Variants in NXPH1 observed in about 807,000 individuals in gnomAD.
The protein encoded by NXPH1 is neurexophilin 1, also known as neurexophilin-1.
Under a neutral mutation model 23.7 loss-of-function variants are expected in NXPH1, and 5 were observed. The ratio of observed to expected loss-of-function variants is 0.21; its 90% CI spans 0.11 to 0.44. The LOEUF (loss-of-function observed/expected upper bound fraction) is 0.44, where lower values mean the gene tolerates loss of function less well. NXPH1 is among the 20% of genes least tolerant of loss of function. The pLI is 0.99. For synonymous variants in NXPH1, 144 were observed against 122.2 expected (o/e 1.18, Z -1.18); for missense variants, 324 against 321.6 (o/e 1.01, Z -0.06).
At chr7:8,708,365 T>C (rs1045845357) in intron 2 of NXPH1, among the ~76,000 whole-genome samples, 11 of 152,088 alleles carry the variant, frequency 7.2e-5, no homozygotes, top group Admixed American at 2.0e-4. Flanking sequence ...TTTTTTTAAA[T>C]TTTTTTGGTT....
intron 2 of NXPH1, among the ~76,000 whole-genome samples, chr7:8,666,523 G>T (rs1016603241): frequency 6.6e-6 from 1 of 151,960 alleles, no homozygotes. Context: ...GCCTGGTGTT[G>T]GTATCAGGGT....
In NXPH1 at chr7:8,477,364, G is replaced by A. The variant is rs115880155; in HGVS notation, c.54+41597G>A. The stretch of plus-strand genomic sequence containing the variant: ...TTTTTTAAATAATTGTGTTGCTAGA[G>A]TGCAGGTGATTGATGGCTATAGATC... On this transcript the variant is annotated intron_variant, in intron 2 of 2. Transcript: ENST00000405863. Among the ~76,000 whole-genome samples the A allele has an allele frequency of 5.5e-4, 84 of 152,076 alleles. 1 individual carries two copies. Among genetic ancestry groups the A allele is most frequent in the African/African-American group, 1.9e-3 (79 of 41,480 alleles).
rs569081153 is a variant in NXPH1 at position 8,489,728 on chromosome 7, T to C, written c.54+53961T>C. ...TCAGACTCATGGCATATTAGTATTATGAATGACATGTTGAAAGGACCTGCC... is the reference window on the plus strand; with the variant it reads ...TCAGACTCATGGCATATTAGTATTACGAATGACATGTTGAAAGGACCTGCC... On this transcript the variant is annotated intron_variant, in intron 2 of 2. Transcript: ENST00000405863. 3.3e-5 allele frequency among the ~76,000 whole-genome samples: 5 copies of C among 152,256 alleles called. No individual in the cohort carries two copies. The East Asian group carries it at 9.7e-4, about 29-fold the overall frequency.
intron 2 of NXPH1, among the ~76,000 whole-genome samples, chr7:8,509,939 C>T (rs919834501): frequency 6.6e-6 from 1 of 152,134 alleles, no homozygotes; most frequent in African/African-American, 2.4e-5. Flanking sequence ...TTTTAAACTT[C>T]ATCAGGAAAA....
intron 2 of NXPH1, among the ~76,000 whole-genome samples, chr7:8,550,573 T>C (rs1818262821): frequency 6.6e-6 from 1 of 151,548 alleles, no homozygotes; most frequent in Non-Finnish European, 1.5e-5. Flanking sequence ...TATTACTTTA[T>C]ATCAGAAATA....
intron 2 of NXPH1, among the ~76,000 whole-genome samples, chr7:8,651,841 T>C (rs1344395194): frequency 6.6e-6 from 1 of 152,200 alleles, no homozygotes; most frequent in African/African-American, 2.4e-5. Flanking sequence ...ATGCTTGTAA[T>C]GGATAATTCA....
intron 2 of NXPH1, among the ~76,000 whole-genome samples, chr7:8,691,456 G>T (rs1470641632): frequency 6.6e-6 from 1 of 152,052 alleles, no homozygotes; most frequent in African/African-American, 2.4e-5. Context: ...GCCCTTTCTA[G>T]AACTTCTTAA....
intron 2 of NXPH1, among the ~76,000 whole-genome samples, chr7:8,736,004 G>A (rs1290975133): frequency 6.6e-6 from 1 of 151,836 alleles, no homozygotes; most frequent in Non-Finnish European, 1.5e-5. Flanking sequence ...TTTTTATTGT[G>A]CCTATTCGAT....
rs192404443 is a variant in NXPH1 at position 8,503,120 on chromosome 7, A to C, written c.54+67353A>C. Among the ~76,000 whole-genome samples, 265 of 152,180 alleles carry C rather than the reference A, an allele frequency of 1.7e-3. 2 individuals are homozygous for C. Among genetic ancestry groups the C allele is most frequent in the African/African-American group, 6.0e-3 (250 of 41,568 alleles). On this transcript the variant is annotated intron_variant, in intron 2 of 2. Transcript: ENST00000405863. ...AAAGAGAAATATTTGAAGGGCCCCG[A>C]TCTATTTGTGCACAACAGACAACAA...
chr7:8,658,722 G>A (rs1235141117), intron 2 of NXPH1, among the ~76,000 whole-genome samples: 6 of 152,062 alleles, frequency 3.9e-5, no homozygotes, highest in East Asian at 1.9e-4. Flanking sequence ...ATAGTGTTAC[G>A]TATCGTCCTT....
At chr7:8,612,429 A>C (rs748799202) in intron 2 of NXPH1, among the ~76,000 whole-genome samples, 1 of 151,992 alleles carries the variant, frequency 6.6e-6, no homozygotes, top group Non-Finnish European at 1.5e-5. Context: ...TGCTAGTAGC[A>C]GCACTCAAGA....
At chr7:8,440,709 C>G (rs1816282455) in intron 2 of NXPH1, among the ~76,000 whole-genome samples, 1 of 149,596 alleles carries the variant, frequency 6.7e-6, no homozygotes, top group Non-Finnish European at 1.5e-5. Flanking sequence ...TTGGATATTG[C>G]TTTTTCCAAT....
At chr7:8,674,435 T>G (rs16874078) in intron 2 of NXPH1, among the ~76,000 whole-genome samples, 3,898 of 152,258 alleles carry the variant, frequency 0.026, 107 homozygotes, top group African/African-American at 0.064. Context: ...TGCTATATTT[T>G]ATGTTCAGAA....
intron 2 of NXPH1, among the ~76,000 whole-genome samples, chr7:8,552,184 T>A (rs1818289640): frequency 6.6e-6 from 1 of 150,440 alleles, no homozygotes; most frequent in Non-Finnish European, 1.5e-5. Context: ...TAATGTAATT[T>A]GTAGAAATCT....
At chr7:8,644,769 T>C (rs116780128) in intron 2 of NXPH1, among the ~76,000 whole-genome samples, 81 of 152,230 alleles carry the variant, frequency 5.3e-4, no homozygotes, top group African/African-American at 1.7e-3. Context: ...TTGGATCCCA[T>C]TGTGTATTAC....
Position 8,710,659 on chromosome 7 carries a change from T to G in NXPH1, c.55-40349T>G, listed in dbSNP as rs1380284054. Among the ~76,000 whole-genome samples the G allele has an allele frequency of 4.0e-5, 4 of 101,090 alleles. 1 individual carries two copies. Among genetic ancestry groups the G allele is most frequent in the Non-Finnish European group, 7.2e-5 (4 of 55,816 alleles). The allele number at this position is 101,090 out of a possible 152,430, so 66.3% of individuals were successfully genotyped here. On this transcript the variant is annotated intron_variant, in intron 2 of 2. Coordinates refer to ENST00000405863, the MANE Select transcript of NXPH1 (RefSeq NM_152745.3). ...TGTTACGTTTTTTGTTTTTTTTTTT[T>G]TTTTTTTTTTTTTTGAGACGGAGTC...
At chr7:8,628,810 G>A (rs1004665967) in intron 2 of NXPH1, among the ~76,000 whole-genome samples, 81 of 151,946 alleles carry the variant, frequency 5.3e-4, no homozygotes, top group Non-Finnish European at 3.5e-4. Flanking sequence ...TGACGCGTAT[G>A]TTTGAACAGA....
At chr7:8,496,943 T>C (rs893992793) in intron 2 of NXPH1, among the ~76,000 whole-genome samples, 3 of 152,104 alleles carry the variant, frequency 2.0e-5, no homozygotes, top group Non-Finnish European at 4.4e-5. Flanking sequence ...TATGTATACA[T>C]GTGCCATGTT....
chr7:8,633,414 T>A (rs1430737218), intron 2 of NXPH1, among the ~76,000 whole-genome samples: 1 of 152,048 alleles, frequency 6.6e-6, no homozygotes, highest in African/African-American at 2.4e-5. Flanking sequence ...AGAGCGAGAG[T>A]CCATCTCAAA....
Sources: gnomAD v4.1 joint callset for allele counts (sites outside exome capture counted in the v4.1 genomes callset) on GRCh38, gnomAD v4.1.1 for gene constraint, MANE v1.5 for transcripts, NCBI Gene and HGNC (gene_info 2026-07-23, HGNC 2026-07-21) for gene names.